The following NCKAP5 variants were observed in gnomAD, a reference collection of about 807,000 sequenced individuals.
The protein encoded by NCKAP5 is nck-associated protein 5.
Under a neutral mutation model 167.0 loss-of-function variants are expected in NCKAP5, and 92 were observed. That is an observed-to-expected ratio of 0.55 (90% CI 0.47 to 0.66). The LOEUF (loss-of-function observed/expected upper bound fraction) is 0.66. Among genes scored for constraint, NCKAP5 ranks in the 30% least tolerant of loss-of-function variants. The probability of loss-of-function intolerance (pLI) is 0.00; values close to 1 mark genes in which losing one functional copy is unlikely to be tolerated. For synonymous variants in NCKAP5, 891 were observed against 877.4 expected (o/e 1.02, Z -0.27); for missense variants, 2,378 against 2,315.0 (o/e 1.03, Z -0.56).
chr2:132,682,562 C>T (rs979488444), intron 19 of NCKAP5, among the ~76,000 whole-genome samples: 1 of 152,154 alleles, frequency 6.6e-6, no homozygotes, highest in Non-Finnish European at 1.5e-5. Flanking sequence ...ATTAGATATA[C>T]CAGAAAGTGA....
intron 11 of NCKAP5, among the ~76,000 whole-genome samples, chr2:132,801,890 T>A (rs1472329101): frequency 6.6e-6 from 1 of 152,196 alleles, no homozygotes; most frequent in Non-Finnish European, 1.5e-5. Context: ...TGACTGACTC[T>A]GCAGCTCTCT....
At chr2:132,702,633 C>T (rs1320483817) in intron 19 of NCKAP5, among the ~76,000 whole-genome samples, 1 of 152,186 alleles carries the variant, frequency 6.6e-6, no homozygotes, top group Non-Finnish European at 1.5e-5. Flanking sequence ...ACACCATTCA[C>T]AGAATAATTA....
At chr2:132,677,749 A>T (rs1446540202) in intron 19 of NCKAP5, among the ~76,000 whole-genome samples, 1 of 152,098 alleles carries the variant, frequency 6.6e-6, no homozygotes. Flanking sequence ...TGCCTACCCC[A>T]AGAGGTTCTA....
intron 2 of NCKAP5, among the ~76,000 whole-genome samples, chr2:133,554,756 A>G (rs777923272): frequency 2.0e-5 from 3 of 152,230 alleles, no homozygotes; most frequent in Non-Finnish European, 2.9e-5. Context: ...TGCTTGGTCA[A>G]TATCAGGTAC....
chr2:133,476,992 C>T (rs1217610937), intron 3 of NCKAP5, among the ~76,000 whole-genome samples: 3 of 152,328 alleles, frequency 2.0e-5, no homozygotes, highest in African/African-American at 7.2e-5. Flanking sequence ...AGAACCAAGC[C>T]TGCAGAGGTC....
intron 3 of NCKAP5, among the ~76,000 whole-genome samples, chr2:133,459,952 T>C (rs1302090086): frequency 6.6e-6 from 1 of 152,212 alleles, no homozygotes; most frequent in Non-Finnish European, 1.5e-5. Context: ...ATTTAAAACA[T>C]TGATAAGTAC....
intron 6 of NCKAP5, among the ~76,000 whole-genome samples, chr2:133,024,992 A>G (rs962161378): frequency 1.3e-5 from 2 of 152,210 alleles, no homozygotes; most frequent in East Asian, 3.8e-4. Flanking sequence ...ACCAAGTCGT[A>G]TAGTTGTCTA....
intron 3 of NCKAP5, among the ~76,000 whole-genome samples, chr2:133,385,683 T>A (rs1223744543): frequency 6.7e-6 from 1 of 149,570 alleles, no homozygotes; most frequent in Non-Finnish European, 1.5e-5. Context: ...GTCCTGGACT[T>A]TTTTTGGTTG....
chr2:132,816,219 G>A (rs1013872808), intron 11 of NCKAP5, among the ~76,000 whole-genome samples: 1 of 152,032 alleles, frequency 6.6e-6, no homozygotes, highest in Non-Finnish European at 1.5e-5. Flanking sequence ...AGGATCTGGG[G>A]CACAATTTGT....
At chr2:133,492,170 T>TGTGTGTGTGTGTG (rs1559524824) in intron 3 of NCKAP5, among the ~76,000 whole-genome samples, 8 of 151,474 alleles carry the variant, frequency 5.3e-5, no homozygotes, top group Admixed American at 6.6e-5. Flanking sequence ...TGTGTGTGTG[T>TGTGTGTGTGTGTG]TAAGGTCTAT....
intron 14 of NCKAP5, 62 bp downstream of exon 14, chr2:132,781,878 A>G: frequency 6.7e-7 from 1 of 1,488,102 alleles, no homozygotes; most frequent in East Asian, 2.3e-5. Context: ...GGAAGCAAAC[A>G]ACTCTTTTAA....
intron 16 of NCKAP5, among the ~76,000 whole-genome samples, chr2:132,764,893 A>G (rs1328660686): frequency 6.6e-6 from 1 of 152,252 alleles, no homozygotes; most frequent in East Asian, 1.9e-4. Context: ...CATTTCTTCT[A>G]CATTAAATTT....
At chr2:133,257,167 G>T (rs1285009758) in intron 4 of NCKAP5, among the ~76,000 whole-genome samples, 2 of 152,186 alleles carry the variant, frequency 1.3e-5, no homozygotes, top group East Asian at 3.8e-4. Context: ...TAAGATACCA[G>T]TGGTCAGAAA....
intron 2 of NCKAP5, among the ~76,000 whole-genome samples, chr2:133,542,415 C>T (rs1686299303): frequency 6.6e-6 from 1 of 152,122 alleles, no homozygotes; most frequent in Admixed American, 6.6e-5. Flanking sequence ...ATTATAGTAG[C>T]TTAACTTTGG....
At chr2:133,401,136 T>C (rs888192320) in intron 3 of NCKAP5, among the ~76,000 whole-genome samples, 10 of 152,128 alleles carry the variant, frequency 6.6e-5, no homozygotes, top group African/African-American at 1.9e-4. Context: ...CAATCACGTC[T>C]ATGTAACAGA....
At chr2:133,390,870 C>G (rs888597817) in intron 3 of NCKAP5, among the ~76,000 whole-genome samples, 2 of 152,228 alleles carry the variant, frequency 1.3e-5, no homozygotes, top group African/African-American at 4.8e-5. Context: ...GCAAGAACCA[C>G]TGCCTTAGAA....
intron 6 of NCKAP5, among the ~76,000 whole-genome samples, chr2:133,001,559 G>A (rs965299600): frequency 1.3e-5 from 2 of 152,132 alleles, no homozygotes; most frequent in Non-Finnish European, 2.9e-5. Context: ...GAGGTTCCAT[G>A]AGAATAAGGA....
chr2:133,480,930 ACCTATC>A (rs1680367084), intron 3 of NCKAP5, among the ~76,000 whole-genome samples: 1 of 152,138 alleles, frequency 6.6e-6, no homozygotes, highest in African/African-American at 2.4e-5. Flanking sequence ...TCTGCTATTG[ACCTATC>A]CTCTACTATT....
At chr2:133,163,734 T>C (rs2083891872) in intron 5 of NCKAP5, among the ~76,000 whole-genome samples, 1 of 151,156 alleles carries the variant, frequency 6.6e-6, no homozygotes, top group Non-Finnish European at 1.5e-5. Flanking sequence ...CGTTGACTTC[T>C]ATTCTCATTT....
Sources: allele counts gnomAD v4.1 joint callset (sites outside exome capture counted in the v4.1 genomes callset), GRCh38; gene constraint gnomAD v4.1.1; transcripts MANE v1.5; gene names NCBI Gene and HGNC (gene_info 2026-07-23, HGNC 2026-07-21).